Variants in BRWD1 observed in about 807,000 individuals in gnomAD.
The protein encoded by BRWD1 is bromodomain and WD repeat domain containing 1.
BRWD1 carries 82 observed loss-of-function variants against 251.2 expected under a neutral mutation model. The ratio of observed to expected loss-of-function variants is 0.33; its 90% CI spans 0.27 to 0.39. BRWD1 has a LOEUF of 0.39. Ranked by LOEUF, BRWD1 falls within the 10% of genes least tolerant of loss-of-function variation. The pLI is 1.00. For missense variants in BRWD1, 2,233 were observed against 2,711.6 expected, an observed-to-expected ratio of 0.82 and a Z score of 3.92; for synonymous variants, 918 against 902.8, an observed-to-expected ratio of 1.02 and a Z score of -0.30.
chr21:39,197,433 G>A lies in BRWD1; in HGVS notation c.5654-18C>T, dbSNP rs1289965607. On this transcript the variant is annotated intron_variant, in intron 40 of 40. Transcript: ENST00000342449. ...TGCAGAATCTAAAAGTTAAAGAGCA[G>A]ATTTCTATTAATCTTTTGTAAGTCT... 5.3e-6 allele frequency: 8 copies of A among 1,514,742 alleles called. No homozygotes were observed. The South Asian group carries it at 7.6e-5, about 14-fold the overall frequency. 93.8% of individuals were successfully genotyped at this position (1,514,742 alleles called of 1,614,324 possible).
chr21:39,198,802 C>T lies in BRWD1; in HGVS notation c.5614G>A (p.Asp1872Asn). The change falls in exon 40 of 41, where the codon GAT becomes AAT. Residue 1872 changes from aspartate (D) to asparagine (N), a missense_variant. Transcript: ENST00000342449. ...DHGCETDLDSDDDKIEKPNNF... is the reference protein window; with the variant it reads ...DHGCETDLDSNDDKIEKPNNF... Reference sequence around the variant, plus strand: ...TTTGGTTTTTCTATTTTGTCATCATCTGAATCTAAATCAGTTTCACATCCA... The same window carrying T: ...TTTGGTTTTTCTATTTTGTCATCATTTGAATCTAAATCAGTTTCACATCCA... The T allele has an allele frequency of 6.3e-7, 1 of 1,598,970 alleles. No individual in the cohort carries two copies.
rs182673082 is a variant in BRWD1, at chr21:39,310,176, T to C, written c.198+2665A>G. Among the ~76,000 whole-genome samples the C allele has an allele frequency of 1.6e-4, 24 of 152,292 alleles. No individual in the cohort carries two copies. In the East Asian group the frequency reaches 4.4e-3, roughly 28 times the overall value. ...TAGTTTCTTAAAACATATGTATACC[T>C]CAAACAGAAACCAAAGTAAATATAG... On this transcript the variant is annotated intron_variant, in intron 4 of 40. Transcript: ENST00000342449.
At chr21:39,317,050 A>G (rs1228601565), upstream of BRWD1, 3 of 152,244 alleles carry the variant, frequency 2.0e-5, no homozygotes, top group Non-Finnish European at 4.4e-5. Context: ...AATAGGAACA[A>G]AGATTTCTAA....
rs562028726 is a variant in BRWD1 at position 39,227,985 on chromosome 21, G to A, written c.3208+515C>T. Among the ~76,000 whole-genome samples the A allele has an allele frequency of 6.6e-5, 10 of 151,992 alleles. No individual in the cohort carries two copies. In the South Asian group the frequency reaches 8.3e-4, roughly 13 times the overall value. The stretch of plus-strand genomic sequence containing the variant: ...CAAAAGAACAGAAGAAAAGTTGCTC[G>A]TCTAAAAAAGTCTACATAATAGGGC... On this transcript the variant is annotated intron_variant, in intron 27 of 40. Coordinates refer to ENST00000342449, the MANE Select transcript of BRWD1 (RefSeq NM_033656.4).
At chr21:39,269,356 G>C (rs1306496615) in intron 15 of BRWD1, among the ~76,000 whole-genome samples, 1 of 150,642 alleles carries the variant, frequency 6.6e-6, no homozygotes, top group Admixed American at 6.6e-5. Flanking sequence ...TTTTTTAAGA[G>C]AGTGTCTCAC....
At chr21:39,276,730 C>A (rs1255723833) in intron 11 of BRWD1, among the ~76,000 whole-genome samples, 1 of 143,960 alleles carries the variant, frequency 6.9e-6, no homozygotes, top group African/African-American at 2.6e-5. Context: ...TTATTAAAAT[C>A]ACATTCTTAT....
intron 8 of BRWD1, among the ~76,000 whole-genome samples, chr21:39,281,020 A>G (rs575272362): frequency 1.3e-5 from 2 of 152,360 alleles, no homozygotes; most frequent in Non-Finnish European, 1.5e-5. Flanking sequence ...CAAGGAAAAC[A>G]AACACACACT....
Position 39,189,352 on chromosome 21 carries a change from G to A in BRWD1, c.*6907C>T. 1.0e-6 allele frequency: 1 copy of A among 985,112 alleles called. No individual in the cohort carries two copies. The highest frequency in any genetic ancestry group is 1.2e-6 in the Non-Finnish European group (1 of 829,684). 61.0% of individuals were successfully genotyped at this position (985,112 alleles called of 1,614,324 possible). On this transcript the variant is annotated 3_prime_UTR_variant, in exon 41 of 41. Transcript: ENST00000342449. Reference sequence around the variant, plus strand: ...TTGTAACAAAATGCTTTAAGTTGCAGAAATTCCATTTTGATGTGTGATCAA... The same window carrying A: ...TTGTAACAAAATGCTTTAAGTTGCAAAAATTCCATTTTGATGTGTGATCAA...
chr21:39,264,364 T>C, intron 17 of BRWD1, 96 bp downstream of exon 17: 1 of 749,866 alleles, frequency 1.3e-6, no homozygotes, highest in Non-Finnish European at 2.0e-6. Context: ...AAAATATTAA[T>C]AATTGGGGAT....
At chr21:39,202,223 G>T in intron 38 of BRWD1, 102 bp downstream of exon 38, 1 of 782,974 alleles carries the variant, frequency 1.3e-6, no homozygotes, top group Non-Finnish European at 2.0e-6. Context: ...TTCTTTCAGT[G>T]TCAAGGCCAC....
intron 29 of BRWD1, 72 bp from the exon 30 acceptor site, chr21:39,218,732 C>T (rs1207294483): frequency 4.1e-6 from 5 of 1,226,654 alleles, no homozygotes; most frequent in Non-Finnish European, 5.4e-6. Context: ...TATTAAAATT[C>T]AATTTTCATA....
rs766687073 is a variant in BRWD1, at chr21:39,312,918, GCA to G, written c.139-20_139-19del. 1.5e-5 allele frequency: 21 copies of G among 1,376,350 alleles called. No homozygotes were observed. The African/African-American group carries it at 3.1e-4, about 20-fold the overall frequency. 85.3% of individuals were successfully genotyped at this position (1,376,350 alleles called of 1,614,324 possible). On this transcript the variant is annotated intron_variant, in intron 3 of 40. Coordinates refer to ENST00000342449, the MANE Select transcript of BRWD1 (RefSeq NM_033656.4). ...GGCAACAACTGGAAAGACACGAAAC[GCA>G]CACGAGTGACCACCCCTCCGGCGCG... is the stretch of plus-strand genomic sequence containing the variant.
At chr21:39,317,931 T>A (rs947362523), upstream of BRWD1, among the ~76,000 whole-genome samples, 1 of 151,998 alleles carries the variant, frequency 6.6e-6, no homozygotes, top group African/African-American at 2.4e-5. Flanking sequence ...GTGACTGTAG[T>A]TTGAGCTATT....
At chr21:39,313,209 A>G (rs118102968) in intron 2 of BRWD1, 32 bp downstream of exon 2, 206,795 of 1,522,782 alleles carry the variant, frequency 0.14, 15,601 homozygotes, top group Non-Finnish European at 0.16. Context: ...TGGGGACGCC[A>G]AGTCCGCAGC....
intron 25 of BRWD1, among the ~76,000 whole-genome samples, chr21:39,230,368 G>A (rs1307594864): frequency 6.6e-6 from 1 of 152,084 alleles, no homozygotes; most frequent in Non-Finnish European, 1.5e-5. Flanking sequence ...TTATTATAAT[G>A]TACCAAACAA....
Position 39,313,607 on chromosome 21 carries a change from C to CCGCCATACCGTGCG in BRWD1, c.-117_-116insCGCACGGTATGGCG. 1 of 836,318 alleles carries CCGCCATACCGTGCG rather than the reference C, an allele frequency of 1.2e-6. No individual in the cohort carries two copies. Among genetic ancestry groups the CCGCCATACCGTGCG allele is most frequent in the South Asian group, 4.3e-5 (1 of 23,060 alleles). 51.8% of individuals were successfully genotyped at this position (836,318 alleles called of 1,614,324 possible). A position where few individuals can be genotyped will look rare whatever the true frequency, so the allele number is the denominator to read the frequency against. ...CAGGCGCGCGCCGCCGCCGCCGCCGCCGCCGCCATACCGTGCGCGCCGCCT... is the reference window on the plus strand; with the variant it reads ...CAGGCGCGCGCCGCCGCCGCCGCCGCCGCCATACCGTGCGCGCCGCCATACCGTGCGCGCCGCCT... On this transcript the variant is annotated 5_prime_UTR_variant, in exon 1 of 41. It adds an upstream start codon to the 5' untranslated region. Coordinates refer to ENST00000342449, the MANE Select transcript of BRWD1 (RefSeq NM_033656.4).
chr21:39,309,611 T>A lies in BRWD1; in HGVS notation c.198+3230A>T, dbSNP rs988014020. Among the ~76,000 whole-genome samples, 6 of 151,052 alleles carry A rather than the reference T, an allele frequency of 4.0e-5. No homozygotes were observed. In the East Asian group the frequency reaches 1.2e-3, roughly 29 times the overall value. On this transcript the variant is annotated intron_variant, in intron 4 of 40. Coordinates refer to ENST00000342449, the MANE Select transcript of BRWD1 (RefSeq NM_033656.4). The stretch of plus-strand genomic sequence containing the variant: ...AGGCAGAGGCAGGCGGATCATGAGG[T>A]CAGGAGATCGAGACCATCCTGGCTA...
rs191168193 is a variant in BRWD1, at chr21:39,277,714, C to A, written c.1004-363G>T. Among the ~76,000 whole-genome samples, 92 of 152,186 alleles carry A rather than the reference C, an allele frequency of 6.0e-4. 1 individual carries two copies. The highest frequency in any genetic ancestry group is 5.8e-3 in the Admixed American group (88 of 15,280). On this transcript the variant is annotated intron_variant, in intron 10 of 40. Transcript: ENST00000342449. ...GAGTAGCTGGGATTACAGGAGCACA[C>A]CAGCATGCCCAGCTAATTTTTTGTA...
chr21:39,204,804 ATGCAGTTACAAAAAGGTTCC>A (rs1205757261), intron 37 of BRWD1, among the ~76,000 whole-genome samples: 1 of 152,120 alleles, frequency 6.6e-6, no homozygotes, highest in Non-Finnish European at 1.5e-5. Flanking sequence ...GATCCCTCGC[ATGCAGTTACAAAAAGGTTCC>A]TGCTCCTATG....
Sources: gnomAD v4.1 joint callset for allele counts (sites outside exome capture counted in the v4.1 genomes callset) on GRCh38, gnomAD v4.1.1 for gene constraint, MANE v1.5 for transcripts, NCBI Gene and HGNC (gene_info 2026-07-23, HGNC 2026-07-21) for gene names.